DISC1: variants seen among roughly 807,000 people sequenced by gnomAD.
DISC1 encodes the protein disrupted in schizophrenia 1 protein.
A neutral mutation model predicts 84.5 loss-of-function variants in DISC1; 57 were observed. The observed-to-expected ratio is 0.67, with a 90% confidence interval of 0.55 to 0.84. The LOEUF is 0.84. Ranked by LOEUF, DISC1 falls within the 40% of genes least tolerant of loss-of-function variation. The probability of loss-of-function intolerance (pLI) is 0.00; values close to 1 mark genes in which losing one functional copy is unlikely to be tolerated. For missense variants in DISC1, 1,000 were observed against 1,057.8 expected, an observed-to-expected ratio of 0.95 and a Z score of 0.76; for synonymous variants, 411 against 415.2, an observed-to-expected ratio of 0.99 and a Z score of 0.12.
At chr1:231,971,761 C>G (rs188022998) in intron 10 of DISC1, among the ~76,000 whole-genome samples, 1 of 152,070 alleles carries the variant, frequency 6.6e-6, no homozygotes, top group African/African-American at 2.4e-5. Context: ...TGAAGTTTCT[C>G]GAGCTGAGAG....
chr1:231,912,196 C>T (rs918822604), intron 9 of DISC1, among the ~76,000 whole-genome samples: 3 of 152,214 alleles, frequency 2.0e-5, no homozygotes, highest in Non-Finnish European at 4.4e-5. Context: ...AAGTCATTCT[C>T]CGTCCAGCTT....
At chr1:231,960,096 T>C (rs1434057654) in intron 10 of DISC1, among the ~76,000 whole-genome samples, 2 of 152,178 alleles carry the variant, frequency 1.3e-5, no homozygotes. Flanking sequence ...AAGTGCTCAC[T>C]TTCTGTTCAG....
chr1:231,835,138 A>G (rs2125836659), intron 9 of DISC1, among the ~76,000 whole-genome samples: 1 of 152,332 alleles, frequency 6.6e-6, no homozygotes, highest in Non-Finnish European at 1.5e-5. Flanking sequence ...TCTGAGGACC[A>G]GAGGTCATAG....
chr1:231,896,460 CAT>C (rs1360432375), intron 9 of DISC1, among the ~76,000 whole-genome samples: 5 of 152,132 alleles, frequency 3.3e-5, no homozygotes, highest in Non-Finnish European at 7.4e-5. Context: ...GAAAAAGAAA[CAT>C]ATCAAATGCA....
chr1:231,664,276 T>C (rs1008807380), intron 1 of DISC1, among the ~76,000 whole-genome samples: 1 of 152,110 alleles, frequency 6.6e-6, no homozygotes, highest in African/African-American at 2.4e-5. Flanking sequence ...TCTACAATAT[T>C]TACCTTTCAG....
chr1:231,722,923 G>A, intron 3 of DISC1: 1 of 1,271,042 alleles, frequency 7.9e-7, no homozygotes, highest in South Asian at 1.8e-5. Flanking sequence ...TTTGTAGGGG[G>A]GAGAAACCAC....
In DISC1 at chr1:231,689,322, C is replaced by T. The variant is rs1435085094; in HGVS notation, c.68-4504C>T. Among the ~76,000 whole-genome samples, 4 of 151,850 alleles carry T rather than the reference C, an allele frequency of 2.6e-5. No homozygotes were observed. The South Asian group carries it at 8.3e-4, about 32-fold the overall frequency. ...CAGCCAAGTGACCTGCCCAAGCCCA[C>T]GTGTCTTTTTTTTTTGTTGTTTTTT... On this transcript the variant is annotated intron_variant, in intron 1 of 12. Coordinates refer to ENST00000439617, the MANE Select transcript of DISC1 (RefSeq NM_018662.3).
intron 9 of DISC1, among the ~76,000 whole-genome samples, chr1:231,953,203 C>T (rs554877368): frequency 1.1e-4 from 16 of 152,264 alleles, no homozygotes; most frequent in South Asian, 1.0e-3. Flanking sequence ...TGATATCACG[C>T]GTGTCCCCAC....
chr1:231,741,109 A>C (rs2073208652), intron 3 of DISC1, among the ~76,000 whole-genome samples: 1 of 152,234 alleles, frequency 6.6e-6, no homozygotes, highest in African/African-American at 2.4e-5. Context: ...GAGAGAGATC[A>C]GACAGAGAGT....
intron 10 of DISC1, among the ~76,000 whole-genome samples, chr1:231,980,180 A>G (rs933553111): frequency 5.9e-5 from 9 of 152,188 alleles, no homozygotes; most frequent in African/African-American, 1.9e-4. Flanking sequence ...CTTTTTAATA[A>G]TTTAGCCATA....
At chr1:231,898,003 TG>T (rs2087841208) in intron 9 of DISC1, among the ~76,000 whole-genome samples, 1 of 152,156 alleles carries the variant, frequency 6.6e-6, no homozygotes, top group South Asian at 2.1e-4. Flanking sequence ...GTGAGAGGTG[TG>T]GTTGCTGCCC....
At chr1:231,919,592 A>G (rs545582887) in intron 9 of DISC1, among the ~76,000 whole-genome samples, 3 of 152,264 alleles carry the variant, frequency 2.0e-5, no homozygotes, top group East Asian at 1.9e-4. Flanking sequence ...TTTTGTGGCT[A>G]TAGTGCCTCA....
chr1:232,034,623 C>T (rs754294356), intron 12 of DISC1, among the ~76,000 whole-genome samples: 18 of 152,204 alleles, frequency 1.2e-4, no homozygotes, highest in Non-Finnish European at 2.2e-4. Flanking sequence ...CAAGTTCTCT[C>T]TCTAAAAACC....
chr1:232,013,392 A>G (rs1668202243), intron 11 of DISC1, among the ~76,000 whole-genome samples: 1 of 152,144 alleles, frequency 6.6e-6, no homozygotes, highest in African/African-American at 2.4e-5. Context: ...CAACGCAACC[A>G]GGTAGCCTCA....
At chr1:231,964,098 T>C (rs1292116512) in intron 10 of DISC1, among the ~76,000 whole-genome samples, 1 of 152,168 alleles carries the variant, frequency 6.6e-6, no homozygotes, top group African/African-American at 2.4e-5. Context: ...GTGGCAGAAA[T>C]TGGGCATAAG....
chr1:231,867,450 A>C (rs1240878209), intron 9 of DISC1, among the ~76,000 whole-genome samples: 1 of 145,802 alleles, frequency 6.9e-6, no homozygotes, highest in East Asian at 1.9e-4. Flanking sequence ...GTGTTTAAAA[A>C]ATAATAATAA....
chr1:231,669,456 A>G (rs939999607), intron 1 of DISC1, among the ~76,000 whole-genome samples: 3 of 152,170 alleles, frequency 2.0e-5, no homozygotes, highest in Admixed American at 2.0e-4. Flanking sequence ...AATGGGAGAA[A>G]ATTTTTACAA....
intron 1 of DISC1, among the ~76,000 whole-genome samples, chr1:231,641,578 C>T (rs573575034): frequency 1.3e-5 from 2 of 152,158 alleles, no homozygotes; most frequent in African/African-American, 2.4e-5. Flanking sequence ...GCAAAGGGAC[C>T]GGAGAGGGTT....
intron 3 of DISC1, among the ~76,000 whole-genome samples, chr1:231,706,932 C>T (rs1330296859): frequency 6.6e-6 from 1 of 152,184 alleles, no homozygotes; most frequent in Non-Finnish European, 1.5e-5. Flanking sequence ...TGCCTTACAC[C>T]TCCCATAGGG....
Sources: allele counts gnomAD v4.1 joint callset (sites outside exome capture counted in the v4.1 genomes callset), GRCh38; gene constraint gnomAD v4.1.1; transcripts MANE v1.5; gene names NCBI Gene and HGNC (gene_info 2026-07-23, HGNC 2026-07-21).